The following CDKL3 variants were observed in gnomAD, a reference collection of about 807,000 sequenced individuals.
CDKL3 encodes the protein cyclin dependent kinase like 3.
CDKL3 carries 65 observed loss-of-function variants against 69.3 expected under a neutral mutation model. The ratio of observed to expected loss-of-function variants is 0.94; its 90% CI spans 0.77 to 1.15. CDKL3 has a LOEUF of 1.15. Ranked by LOEUF, CDKL3 falls within the 50% of genes most tolerant of loss-of-function variation. The pLI, the probability that CDKL3 is intolerant of heterozygous loss-of-function variation, is 0.00. For missense variants in CDKL3, 652 were observed against 689.2 expected, an observed-to-expected ratio of 0.95 and a Z score of 0.61; for synonymous variants, 202 against 221.6, an observed-to-expected ratio of 0.91 and a Z score of 0.79.
intron 2 of CDKL3, among the ~76,000 whole-genome samples, chr5:134,361,614 T>G (rs1190245983): frequency 3.3e-5 from 5 of 152,092 alleles, no homozygotes; most frequent in Non-Finnish European, 7.4e-5. Flanking sequence ...TGAAAAGAAT[T>G]GACTGTTGGC....
chr5:134,317,167 A>G (rs1771318012), intron 6 of CDKL3, among the ~76,000 whole-genome samples: 1 of 152,014 alleles, frequency 6.6e-6, no homozygotes, highest in Non-Finnish European at 1.5e-5. Context: ...ACGGAGTTTC[A>G]CTCTGTCACC....
chr5:134,294,506 T>C (rs1765263027), downstream of CDKL3, among the ~76,000 whole-genome samples: 1 of 152,080 alleles, frequency 6.6e-6, no homozygotes, highest in Admixed American at 6.6e-5. Context: ...GCCAGTGCAA[T>C]AAGGCAAGAA....
At chr5:134,310,878 G>A (rs149796102) in intron 7 of CDKL3, among the ~76,000 whole-genome samples, 8 of 152,200 alleles carry the variant, frequency 5.3e-5, no homozygotes, top group Non-Finnish European at 7.4e-5. Flanking sequence ...GATTCTCTTC[G>A]CTTTTTTCTA....
At chr5:134,312,738 A>G (rs1769911138) in intron 6 of CDKL3, among the ~76,000 whole-genome samples, 1 of 152,244 alleles carries the variant, frequency 6.6e-6, no homozygotes, top group Non-Finnish European at 1.5e-5. Context: ...ATCTAGAAGC[A>G]TGATTAGTAG....
chr5:134,304,377 A>C, intron 11 of CDKL3, 28 bp downstream of exon 11: 1 of 1,526,496 alleles, frequency 6.6e-7, no homozygotes, highest in Non-Finnish European at 8.9e-7. Context: ...TATCATCATA[A>C]TTGTAAAGCT....
intron 4 of CDKL3, among the ~76,000 whole-genome samples, chr5:134,333,170 C>T (rs1294711009): frequency 3.9e-5 from 6 of 152,104 alleles, no homozygotes; most frequent in African/African-American, 1.2e-4. Context: ...GATTTTGTAT[C>T]CTGAGACTTT....
Position 134,298,519 on chromosome 5 carries a change from A to T in CDKL3, c.*132T>A, listed in dbSNP as rs1350076543. 1.4e-6 allele frequency: 2 copies of T among 1,445,018 alleles called. No homozygotes were observed. The highest frequency in any genetic ancestry group is 2.7e-5 in the Admixed American group (1 of 37,230). 89.5% of individuals were successfully genotyped at this position (1,445,018 alleles called of 1,614,324 possible). A position where few individuals can be genotyped will look rare whatever the true frequency, so the allele number is the denominator to read the frequency against. ...GAAAACAGTAAATGTTTTGCTAACA[A>T]AAAAAGCTGGATGATGCTCATGCAC... On this transcript the variant is annotated 3_prime_UTR_variant, in exon 13 of 13. Transcript: ENST00000265334.
intron 4 of CDKL3, among the ~76,000 whole-genome samples, chr5:134,327,686 A>G (rs1774746394): frequency 6.6e-6 from 1 of 152,224 alleles, no homozygotes; most frequent in South Asian, 2.1e-4. Context: ...GACAAATATT[A>G]AATATTGAGC....
chr5:134,302,333 A>T, intron 12 of CDKL3: 1 of 465,908 alleles, frequency 2.1e-6, no homozygotes, highest in East Asian at 5.2e-5. Context: ...CTGATATCTG[A>T]CACTACACAC....
intron 3 of CDKL3, among the ~76,000 whole-genome samples, chr5:134,354,773 C>T (rs941272568): frequency 2.6e-5 from 4 of 151,946 alleles, no homozygotes; most frequent in African/African-American, 9.7e-5. Flanking sequence ...ATGGTGAAAC[C>T]CCGTCTCTAC....
chr5:134,344,599 T>C (rs1357359997), intron 4 of CDKL3, among the ~76,000 whole-genome samples: 1 of 152,152 alleles, frequency 6.6e-6, no homozygotes, highest in Non-Finnish European at 1.5e-5. Context: ...CACAATGAGA[T>C]ACCACTTCAC....
chr5:134,319,685 C>T (rs1772219325), intron 5 of CDKL3, among the ~76,000 whole-genome samples, 188 bp from the exon 6 acceptor site: 1 of 152,152 alleles, frequency 6.6e-6, no homozygotes, highest in Non-Finnish European at 1.5e-5. Context: ...GAGGTTTCGT[C>T]AGTTATCTGC....
At chr5:134,360,293 C>T (rs542948784) in intron 2 of CDKL3, among the ~76,000 whole-genome samples, 33 of 152,174 alleles carry the variant, frequency 2.2e-4, no homozygotes, top group Non-Finnish European at 3.7e-4. Flanking sequence ...CAACCTCCAC[C>T]ACCCTATTTC....
At chr5:134,320,213 T>C (rs2149483681) in intron 5 of CDKL3, among the ~76,000 whole-genome samples, 1 of 152,274 alleles carries the variant, frequency 6.6e-6, no homozygotes, top group Middle Eastern at 3.4e-3. Context: ...GATTTCACTG[T>C]TTTTAGAATT....
intron 10 of CDKL3, among the ~76,000 whole-genome samples, chr5:134,306,186 T>A (rs1017400538): frequency 6.6e-6 from 1 of 152,032 alleles, no homozygotes; most frequent in Non-Finnish European, 1.5e-5. Context: ...AAAAAGAAAC[T>A]TAAAGCACAT....
chr5:134,288,003 T>C (rs1271303447), intron 8 of CDKL3, among the ~76,000 whole-genome samples: 1 of 151,832 alleles, frequency 6.6e-6, no homozygotes, highest in East Asian at 1.9e-4. Context: ...CAAGTGATTC[T>C]CCTGCCTCAG....
chr5:134,355,235 G>GAAAAAAAAA (rs60153337), intron 3 of CDKL3, among the ~76,000 whole-genome samples: 2 of 74,440 alleles, frequency 2.7e-5, no homozygotes, highest in African/African-American at 4.4e-5. Flanking sequence ...TCTGTCTCAG[G>GAAAAAAAAA]AAAAAAAAAA....
chr5:134,362,931 GAAC>G (rs1327548393), intron 2 of CDKL3, among the ~76,000 whole-genome samples: 1 of 152,028 alleles, frequency 6.6e-6, no homozygotes, highest in African/African-American at 2.4e-5. Context: ...GACTGTCTCA[GAAC>G]AATAACAACA....
chr5:134,304,835 T>TAA lies in CDKL3; in HGVS notation c.1459-269_1459-268insTT, dbSNP rs1561506405. Among the ~76,000 whole-genome samples the TAA allele has an allele frequency of 7.3e-3, 916 of 125,230 alleles. 2 individuals carry two copies. The highest frequency in any genetic ancestry group is 0.012 in the Middle Eastern group (3 of 242). The allele number at this position is 125,230 out of a possible 152,430, so 82.2% of individuals were successfully genotyped here. ...CACAATAATAATAATAATAATAATA[T>TAA]TATTATTATTATTATTATTTTGAGT... On this transcript the variant is annotated intron_variant, in intron 10 of 12. Transcript: ENST00000265334.
Sources: gnomAD v4.1 joint callset for allele counts (sites outside exome capture counted in the v4.1 genomes callset) on GRCh38, gnomAD v4.1.1 for gene constraint, MANE v1.5 for transcripts, NCBI Gene and HGNC (gene_info 2026-07-23, HGNC 2026-07-21) for gene names.